Variants in SEC24C observed in about 807,000 individuals in gnomAD.
SEC24C encodes SEC24 homolog C, COPII component, also known as protein transport protein Sec24C.
Under a neutral mutation model 117.0 loss-of-function variants are expected in SEC24C, and 22 were observed. That is an observed-to-expected ratio of 0.19 (90% CI 0.13 to 0.27). SEC24C has a LOEUF of 0.27. SEC24C is among the 10% of genes least tolerant of loss of function. The pLI is 1.00. For synonymous variants in SEC24C, 506 were observed against 529.4 expected (o/e 0.96, Z 0.61); for missense variants, 1,155 against 1,375.1 (o/e 0.84, Z 2.53).
At chr10:73,756,519 A>G (rs1031178040) in intron 3 of SEC24C, among the ~76,000 whole-genome samples, 8 of 152,194 alleles carry the variant, frequency 5.3e-5, no homozygotes, top group African/African-American at 1.7e-4. Context: ...GATTCTGGTG[A>G]TGGTTGCATA....
At chr10:73,753,524 G>T (rs182559851) in intron 3 of SEC24C, among the ~76,000 whole-genome samples, 1 of 152,156 alleles carries the variant, frequency 6.6e-6, no homozygotes, top group Non-Finnish European at 1.5e-5. Context: ...TAAAATGTTA[G>T]CTGGGCATGG....
intron 3 of SEC24C, among the ~76,000 whole-genome samples, chr10:73,756,002 C>G (rs1355036237): frequency 6.6e-6 from 1 of 152,012 alleles, no homozygotes. Flanking sequence ...CAGATGTGGG[C>G]CACCATGCCC....
chr10:73,767,852 C>T lies in SEC24C; in HGVS notation c.2026C>T (p.Gln676Ter). 1 of 1,611,584 alleles carries T rather than the reference C, an allele frequency of 6.2e-7. No homozygotes were observed. Among genetic ancestry groups the T allele is most frequent in the Non-Finnish European group, 8.5e-7 (1 of 1,178,622 alleles). ...TTCCCCCTAGACTCTGTTCCAGCCT[C>T]AGACAGGTGCCTATCAGACCCTGGC... Reference protein sequence around the residue: ...TDKEKTLFQPQTGAYQTLAKE... With the variant: ...TDKEKTLFQP The change falls in exon 15 of 23, where the codon CAG (glutamine) becomes TAG (stop). Residue 676 changes from glutamine (Q) to a stop codon, truncating the protein, a stop_gained. Transcript: ENST00000345254. LOFTEE classifies it high-confidence loss of function.
At chr10:73,762,246 C>T (rs907447657) in intron 6 of SEC24C, 1 of 937,820 alleles carries the variant, frequency 1.1e-6, no homozygotes, top group Non-Finnish European at 1.5e-6. Context: ...TCATCTTCAC[C>T]TCATCTACCA....
Position 73,746,158 on chromosome 10 carries a change from CAAAAAAAAAA to C in SEC24C, c.-28-632_-28-623del, listed in dbSNP as rs71021568. On this transcript the variant is annotated intron_variant, in intron 1 of 22. Transcript: ENST00000345254. ...CTGGCAACAGAGTGAGACTCCGTCT[CAAAAAAAAAA>C]AAAAAAAAAAAAAACCTTCAGTTTT... Among the ~76,000 whole-genome samples, 191 of 93,072 alleles carry C rather than the reference CAAAAAAAAAA, an allele frequency of 2.1e-3. 5 individuals are homozygous for C. The South Asian group carries it at 0.071, about 35-fold the overall frequency. 61.1% of individuals were successfully genotyped at this position (93,072 alleles called of 152,430 possible). A position where few individuals can be genotyped will look rare whatever the true frequency, so the allele number is the denominator to read the frequency against.
chr10:73,763,731 C>T, intron 7 of SEC24C, 125 bp from the exon 8 acceptor site: 3 of 713,584 alleles, frequency 4.2e-6, no homozygotes, highest in Non-Finnish European at 6.3e-6. Context: ...TCCCTCTAGT[C>T]CCTCTGGGGG....
chr10:73,755,855 C>CT (rs977005770), intron 3 of SEC24C, among the ~76,000 whole-genome samples: 153 of 143,176 alleles, frequency 1.1e-3, no homozygotes, highest in East Asian at 2.1e-3. Context: ...GACTGAAAAT[C>CT]TTTTTTTTTT....
At position 73,745,894 on chromosome 10, in the gene SEC24C, G is replaced by A. The variant is rs557561628; in HGVS notation, c.-28-911G>A. ...GCTTCGGTTTTGGCCGGGCGTGGTG[G>A]CTCACACCTGTGATCCCAGCACTTT... On this transcript the variant is annotated intron_variant, in intron 1 of 22. Transcript: ENST00000345254. 7.6e-4 allele frequency among the ~76,000 whole-genome samples: 116 copies of A among 151,910 alleles called. 1 individual carries two copies. The highest frequency in any genetic ancestry group is 1.5e-3 in the South Asian group (7 of 4,800).
intron 3 of SEC24C, among the ~76,000 whole-genome samples, chr10:73,756,560 C>G (rs1463758419): frequency 6.6e-6 from 1 of 151,870 alleles, no homozygotes; most frequent in Non-Finnish European, 1.5e-5. Context: ...TTGAATTGTT[C>G]ACTTGAAGTG....
chr10:73,770,573 A>G, intron 21 of SEC24C, 102 bp downstream of exon 21: 1 of 1,515,164 alleles, frequency 6.6e-7, no homozygotes, highest in Non-Finnish European at 9.2e-7. Context: ...AATATCAGGG[A>G]ACACTTGGGG....
intron 8 of SEC24C, 132 bp from the exon 9 acceptor site, chr10:73,765,319 G>T: frequency 1.1e-6 from 1 of 905,382 alleles, no homozygotes; most frequent in Non-Finnish European, 1.7e-6. Context: ...TTTCATCATT[G>T]TGCTCCCTAC....
chr10:73,758,728 G>C (rs2082750293), intron 3 of SEC24C, among the ~76,000 whole-genome samples: 1 of 152,168 alleles, frequency 6.6e-6, no homozygotes, highest in Non-Finnish European at 1.5e-5. Context: ...ATGTTGTAGT[G>C]TATATTAGTA....
rs146034426 is a variant in SEC24C, at chr10:73,760,794, G to A, written c.932G>A (p.Gly311Glu). Residue 311 changes from glycine (G) to glutamate (E), a missense_variant, in exon 6 of 23, where the codon GGG becomes GAG. Around this residue, in one of 2 missense-constraint regions of SEC24C, gnomAD observed 759 missense variants for 992.3 expected, o/e 0.76. Coordinates refer to ENST00000345254, the MANE Select transcript of SEC24C (RefSeq NM_198597.3). ...GCACCCACCTTTGGCAGTCAGCCTG[G>A]GCCTCCTCAGCCACTGCCTCCTAAG... ...PAAPTFGSQP[G>E]PPQPLPPKRL... The A allele has an allele frequency of 4.3e-5, 70 of 1,613,948 alleles. No individual in the cohort carries two copies. The highest frequency in any genetic ancestry group is 5.5e-5 in the Non-Finnish European group (65 of 1,180,026).
At chr10:73,770,597 C>A in intron 21 of SEC24C, 112 bp from the exon 22 acceptor site, 1 of 1,493,316 alleles carries the variant, frequency 6.7e-7, no homozygotes, top group Non-Finnish European at 9.3e-7. Context: ...AGGGCAGTTG[C>A]TGTCATTCTT....
intron 6 of SEC24C, among the ~76,000 whole-genome samples, chr10:73,761,841 C>T (rs1054135211): frequency 6.6e-6 from 1 of 152,100 alleles, no homozygotes; most frequent in Non-Finnish European, 1.5e-5. Context: ...CAGCCCCTCC[C>T]TGTGTAACTC....
intron 2 of SEC24C, among the ~76,000 whole-genome samples, chr10:73,747,702 C>T (rs956149882): frequency 1.3e-5 from 2 of 149,736 alleles, no homozygotes; most frequent in African/African-American, 2.5e-5. Context: ...TCTTGTTGCC[C>T]AGGCTGTAGT....
In SEC24C at chr10:73,763,597, C is replaced by T. The variant is rs1337018287; in HGVS notation, c.1095C>T (p.Asp365=). The change falls in exon 7 of 23, where the codon GAC becomes GAT. Residue 365 remains aspartate, a synonymous_variant. Transcript: ENST00000345254. ...PLVTTNFLVK[D]QGNASPRYIR... ...TCACTACCAACTTCCTGGTGAAAGA[C>T]CAAGGTGAGAATGGAATTAGCTCCT... 1.9e-6 allele frequency: 3 copies of T among 1,558,376 alleles called. No individual in the cohort carries two copies. The highest frequency in any genetic ancestry group is 1.7e-5 in the Admixed American group (1 of 57,912).
At chr10:73,766,921 A>G in intron 13 of SEC24C, 68 bp downstream of exon 13, 2 of 1,479,582 alleles carry the variant, frequency 1.4e-6, no homozygotes, top group East Asian at 2.3e-5. Context: ...CCCCTGGGAT[A>G]CAACCTCTCT....
chr10:73,769,837 T>G lies in SEC24C; in HGVS notation c.2684T>G (p.Leu895Trp), dbSNP rs779283050. The G allele has an allele frequency of 6.2e-7, 1 of 1,614,040 alleles. No individual in the cohort carries two copies. The highest frequency in any genetic ancestry group is 8.5e-7 in the Non-Finnish European group (1 of 1,179,900). Residue 895 changes from leucine (L) to tryptophan (W), a missense_variant and splice_region_variant, in exon 20 of 23, where the codon TTG becomes TGG. Coordinates refer to ENST00000345254, the MANE Select transcript of SEC24C (RefSeq NM_198597.3). The surrounding 1 kb of genome is among the most constrained non-coding windows in gnomAD (Gnocchi z 4.5). ...ACTTTATTTTGATAATCCCCTCAGT[T>G]GATCCTTCCTGAGTGCATGAAGCTA... ...NCASPSSAGQ[L>W]ILPECMKLLP...
Sources: allele counts gnomAD v4.1 joint callset (sites outside exome capture counted in the v4.1 genomes callset), GRCh38; gene constraint gnomAD v4.1.1; regional missense constraint gnomAD v4.1.1; non-coding constraint Gnocchi (gnomAD v3.1); transcripts MANE v1.5; gene names NCBI Gene and HGNC (gene_info 2026-07-23, HGNC 2026-07-21).